RAD51B: variants seen among roughly 807,000 people sequenced by gnomAD.
RAD51B encodes the protein RAD51 paralog B, also known as DNA repair protein RAD51 homolog 2.
In RAD51B, 38 loss-of-function variants were observed where a neutral mutation model predicts 42.2. The observed-to-expected ratio is 0.90, with a 90% CI of 0.70 to 1.18. The LOEUF is 1.18. RAD51B is among the 50% of genes most tolerant of loss of function. The pLI, the probability that RAD51B is intolerant of heterozygous loss-of-function variation, is 0.00. For synonymous variants in RAD51B, 154 were observed against 145.2 expected, an observed-to-expected ratio of 1.06 and a Z score of -0.43; for missense variants, 373 against 400.7, an observed-to-expected ratio of 0.93 and a Z score of 0.59.
chr14:68,607,431 C>A (rs939021107), intron 10 of RAD51B, among the ~76,000 whole-genome samples: 1 of 152,184 alleles, frequency 6.6e-6, no homozygotes, highest in Admixed American at 6.5e-5. Context: ...CACAGAGACC[C>A]TCCCCCACAG....
chr14:68,656,437 G>A (rs1015056270), intron 11 of RAD51B, among the ~76,000 whole-genome samples: 25 of 96,502 alleles, frequency 2.6e-4, no homozygotes, highest in African/African-American at 8.6e-4. Flanking sequence ...TGGGGTAACT[G>A]AGGACTGAGG....
chr14:67,926,558 CTTTTTT>C (rs534207569), intron 7 of RAD51B, among the ~76,000 whole-genome samples: 7 of 85,124 alleles, frequency 8.2e-5, no homozygotes, highest in African/African-American at 2.3e-4. Flanking sequence ...GATATGTTTC[CTTTTTT>C]TTTTTTTTTT....
exon 11 of RAD51B, chr14:68,595,510 G>A (rs1374921127): frequency 4.7e-6 from 5 of 1,066,524 alleles, no homozygotes; most frequent in Non-Finnish European, 5.7e-6. Context: ...CTTGTGTTTG[G>A]AGCAAGGGTT....
chr14:68,668,934 C>T (rs1010322158), intron 11 of RAD51B, among the ~76,000 whole-genome samples: 1 of 152,254 alleles, frequency 6.6e-6, no homozygotes, highest in Non-Finnish European at 1.5e-5. Context: ...AGACCTTTTA[C>T]AGCTTTGAGC....
chr14:68,343,229 T>C (rs984677145), intron 8 of RAD51B, among the ~76,000 whole-genome samples: 2 of 152,216 alleles, frequency 1.3e-5, no homozygotes, highest in Admixed American at 1.3e-4. Context: ...TTGAGCTCCT[T>C]ATATATTTTG....
chr14:68,607,777 G>A (rs1035816945), intron 10 of RAD51B, among the ~76,000 whole-genome samples: 3 of 152,160 alleles, frequency 2.0e-5, no homozygotes, highest in Non-Finnish European at 2.9e-5. Flanking sequence ...CTCTAAGGAG[G>A]GCCAAAGCCA....
chr14:68,654,240 G>A (rs1892763060), intron 11 of RAD51B, among the ~76,000 whole-genome samples: 1 of 152,250 alleles, frequency 6.6e-6, no homozygotes, highest in African/African-American at 2.4e-5. Flanking sequence ...CAGCGCTACA[G>A]AGCTGATGGA....
At chr14:68,480,707 G>T (rs1883110666), downstream of RAD51B, among the ~76,000 whole-genome samples, 1 of 151,556 alleles carries the variant, frequency 6.6e-6, no homozygotes, top group Non-Finnish European at 1.5e-5. Context: ...ACTAAATCTG[G>T]CTTTAAGGTA....
intron 7 of RAD51B, among the ~76,000 whole-genome samples, chr14:68,282,540 C>G (rs988601287): frequency 6.6e-6 from 1 of 152,198 alleles, no homozygotes; most frequent in Non-Finnish European, 1.5e-5. Context: ...CAGACACAGA[C>G]AGCATTGCTT....
intron 8 of RAD51B, among the ~76,000 whole-genome samples, chr14:68,352,993 T>G (rs1391710674): frequency 6.6e-6 from 1 of 152,216 alleles, no homozygotes; most frequent in African/African-American, 2.4e-5. Flanking sequence ...ATAAAACTTT[T>G]CCTCAATGTT....
chr14:68,294,584 G>A (rs1053577847), intron 8 of RAD51B, among the ~76,000 whole-genome samples: 6 of 152,026 alleles, frequency 3.9e-5, no homozygotes, highest in African/African-American at 1.4e-4. Context: ...TTGGGTCTCA[G>A]TTTCTTCTGT....
intron 10 of RAD51B, among the ~76,000 whole-genome samples, chr14:68,535,498 C>T (rs945403782): frequency 2.0e-5 from 3 of 151,700 alleles, no homozygotes; most frequent in African/African-American, 7.3e-5. Flanking sequence ...CTCTTAAGGG[C>T]AGTCAGGTGC....
intron 8 of RAD51B, among the ~76,000 whole-genome samples, chr14:68,299,937 C>T (rs2081691833): frequency 6.6e-6 from 1 of 152,148 alleles, no homozygotes; most frequent in Non-Finnish European, 1.5e-5. Flanking sequence ...TTTTATCTTT[C>T]ACACCTAGTA....
At chr14:68,370,452 G>A (rs1464794918) in intron 8 of RAD51B, among the ~76,000 whole-genome samples, 2 of 152,204 alleles carry the variant, frequency 1.3e-5, no homozygotes, top group Non-Finnish European at 2.9e-5. Flanking sequence ...TGTAAAACTA[G>A]GTAAAGAACT....
chr14:68,008,581 G>T (rs763348346), intron 7 of RAD51B, among the ~76,000 whole-genome samples: 4 of 151,998 alleles, frequency 2.6e-5, no homozygotes, highest in Non-Finnish European at 5.9e-5. Flanking sequence ...ACTAGGGAAA[G>T]AAGTAAAATA....
intron 10 of RAD51B, among the ~76,000 whole-genome samples, chr14:68,503,247 A>G (rs1240349325): frequency 1.3e-5 from 2 of 152,224 alleles, no homozygotes; most frequent in East Asian, 3.9e-4. Flanking sequence ...ATTTTGGTGG[A>G]GGAGGGTGTG....
At chr14:68,570,263 T>A (rs1889627321) in intron 10 of RAD51B, among the ~76,000 whole-genome samples, 1 of 152,106 alleles carries the variant, frequency 6.6e-6, no homozygotes, top group African/African-American at 2.4e-5. Context: ...CTGCCTGGAA[T>A]CAAGCACTGG....
At chr14:67,875,682 G>C (rs575549608) in intron 5 of RAD51B, among the ~76,000 whole-genome samples, 1 of 152,182 alleles carries the variant, frequency 6.6e-6, no homozygotes, top group Non-Finnish European at 1.5e-5. Context: ...TATGATGTTC[G>C]CACAATAGTG....
At chr14:67,999,800 AG>A (rs2075448156) in intron 7 of RAD51B, among the ~76,000 whole-genome samples, 1 of 152,172 alleles carries the variant, frequency 6.6e-6, no homozygotes, top group Non-Finnish European at 1.5e-5. Context: ...AGAAATCTTC[AG>A]GGAGGAAATG....
Sources: allele counts gnomAD v4.1 joint callset (sites outside exome capture counted in the v4.1 genomes callset), GRCh38; gene constraint gnomAD v4.1.1; transcripts MANE v1.5; gene names NCBI Gene and HGNC (gene_info 2026-07-23, HGNC 2026-07-21).